The following PLPPR1 variants were observed in gnomAD, a reference collection of about 807,000 sequenced individuals.
The protein encoded by PLPPR1 is phospholipid phosphatase-related protein type 1.
PLPPR1 carries 10 observed loss-of-function variants against 33.1 expected under a neutral mutation model. That is an observed-to-expected ratio of 0.30 (90% confidence interval 0.19 to 0.51). The LOEUF is 0.51. Among genes scored for constraint, PLPPR1 ranks in the 20% least tolerant of loss-of-function variants. PLPPR1 has a pLI of 0.97. For synonymous variants in PLPPR1, 151 were observed against 151.0 expected, an observed-to-expected ratio of 1.00 and a Z score of 0.00; for missense variants, 304 against 408.1, an observed-to-expected ratio of 0.74 and a Z score of 2.20.
At chr9:101,316,615 G>GAAAAAAAAAAAAAAAAAAAAAAA (rs1829054260) in intron 6 of PLPPR1, among the ~76,000 whole-genome samples, 1 of 68,816 alleles carries the variant, frequency 1.5e-5, no homozygotes, top group Non-Finnish European at 2.8e-5. Flanking sequence ...TTCTTCTTGG[G>GAAAAAAAAAAAAAAAAAAAAAAA]CAAAAAAAAA....
chr9:101,296,563 T>C (rs1828644714), intron 4 of PLPPR1, among the ~76,000 whole-genome samples: 1 of 152,154 alleles, frequency 6.6e-6, no homozygotes, highest in Non-Finnish European at 1.5e-5. Flanking sequence ...TGTCCAACAG[T>C]GATCCACTGG....
chr9:101,146,094 A>G (rs1182302852), intron 1 of PLPPR1, among the ~76,000 whole-genome samples: 8 of 152,164 alleles, frequency 5.3e-5, no homozygotes, highest in African/African-American at 1.7e-4. Flanking sequence ...ATTAATTACT[A>G]CTTCCCTCTG....
intron 5 of PLPPR1, 34 bp from the exon 6 acceptor site, chr9:101,312,764 G>A (rs1180447025): frequency 1.3e-6 from 2 of 1,599,046 alleles, no homozygotes; most frequent in Non-Finnish European, 1.7e-6. Flanking sequence ...CAAGGCAGCT[G>A]CCTGGTCACT....
At chr9:101,176,358 C>G (rs1022150946) in intron 1 of PLPPR1, among the ~76,000 whole-genome samples, 2 of 152,064 alleles carry the variant, frequency 1.3e-5, no homozygotes, top group African/African-American at 4.8e-5. Flanking sequence ...CAATGAGTAT[C>G]TTCCCTTCCA....
At chr9:101,067,859 C>T (rs1472916960) in intron 1 of PLPPR1, among the ~76,000 whole-genome samples, 3 of 152,066 alleles carry the variant, frequency 2.0e-5, no homozygotes, top group Non-Finnish European at 4.4e-5. Context: ...CACTTATGAG[C>T]TGTATGACCT....
At chr9:101,125,697 A>G in intron 1 of PLPPR1, 1 of 625,692 alleles carries the variant, frequency 1.6e-6, no homozygotes, top group Non-Finnish European at 2.8e-6. Context: ...GTAACATTAC[A>G]GGCCCCATAA....
intron 7 of PLPPR1, among the ~76,000 whole-genome samples, chr9:101,319,320 GCACGCGCCAC>G (rs1829112008): frequency 6.6e-6 from 1 of 152,184 alleles, no homozygotes. Flanking sequence ...GGGACTACAG[GCACGCGCCAC>G]CACGCCTGGC....
chr9:101,071,310 A>T (rs2253782), intron 1 of PLPPR1, among the ~76,000 whole-genome samples: 86,147 of 151,750 alleles, frequency 0.57, 24,483 homozygotes, highest in Non-Finnish European at 0.6. Context: ...AGTGCTGAGG[A>T]AGAACAGATA....
chr9:101,150,034 C>T (rs1831562938), intron 1 of PLPPR1, among the ~76,000 whole-genome samples: 1 of 152,098 alleles, frequency 6.6e-6, no homozygotes, highest in Non-Finnish European at 1.5e-5. Context: ...ACTGTATCCA[C>T]AGCTGTTTTT....
intron 1 of PLPPR1, among the ~76,000 whole-genome samples, chr9:101,176,805 T>G (rs1826025692): frequency 6.6e-6 from 1 of 152,028 alleles, no homozygotes; most frequent in Non-Finnish European, 1.5e-5. Context: ...TATCCTAAGG[T>G]TTTAATAATC....
At chr9:101,303,973 C>T (rs1198739401) in intron 4 of PLPPR1, among the ~76,000 whole-genome samples, 3 of 152,194 alleles carry the variant, frequency 2.0e-5, no homozygotes, top group Non-Finnish European at 4.4e-5. Context: ...TCTTGTGCTT[C>T]ACAAACATCT....
intron 4 of PLPPR1, among the ~76,000 whole-genome samples, chr9:101,298,427 T>G (rs1203575055): frequency 1.3e-5 from 2 of 152,226 alleles, no homozygotes; most frequent in South Asian, 2.1e-4. Flanking sequence ...AGCATGAATA[T>G]TTTAAATGCA....
chr9:101,206,687 C>T (rs1479815109), intron 2 of PLPPR1, among the ~76,000 whole-genome samples: 1 of 152,152 alleles, frequency 6.6e-6, no homozygotes, highest in Admixed American at 6.5e-5. Flanking sequence ...CCAACTACAA[C>T]ACCTAGGTAG....
At chr9:101,243,033 C>G (rs1827509294) in intron 2 of PLPPR1, among the ~76,000 whole-genome samples, 5 of 151,770 alleles carry the variant, frequency 3.3e-5, no homozygotes, top group Admixed American at 3.3e-4. Context: ...ATTCATTAGG[C>G]AAAGAAATGA....
At chr9:101,181,741 A>G (rs1052559755) in intron 1 of PLPPR1, among the ~76,000 whole-genome samples, 6 of 96 alleles carry the variant, frequency 0.062, no homozygotes, top group Middle Eastern at 0.5. Context: ...GTGTGTGTAT[A>G]TATACACACA....
At chr9:101,159,379 T>C (rs960413633) in intron 1 of PLPPR1, among the ~76,000 whole-genome samples, 11 of 152,202 alleles carry the variant, frequency 7.2e-5, no homozygotes, top group African/African-American at 1.2e-4. Flanking sequence ...ATTTTTTTCT[T>C]TGAAATTTGG....
intron 1 of PLPPR1, among the ~76,000 whole-genome samples, chr9:101,039,397 A>G (rs569489954): frequency 5.3e-5 from 8 of 152,274 alleles, no homozygotes; most frequent in South Asian, 2.1e-4. Context: ...AGTCCACAAC[A>G]TGACCAATGA....
chr9:101,109,021 C>T (rs376640629), intron 1 of PLPPR1, among the ~76,000 whole-genome samples: 7 of 148,758 alleles, frequency 4.7e-5, no homozygotes, highest in Middle Eastern at 3.6e-3. Flanking sequence ...TGCAGTGGCG[C>T]GATCTCGGCT....
At chr9:101,201,542 C>T (rs1001088139) in intron 2 of PLPPR1, among the ~76,000 whole-genome samples, 4 of 152,088 alleles carry the variant, frequency 2.6e-5, no homozygotes, top group African/African-American at 9.7e-5. Flanking sequence ...CTGACCATCT[C>T]GGACTTTCAG....
Sources: gnomAD v4.1 joint callset for allele counts (sites outside exome capture counted in the v4.1 genomes callset) on GRCh38, gnomAD v4.1.1 for gene constraint, MANE v1.5 for transcripts, NCBI Gene and HGNC (gene_info 2026-07-23, HGNC 2026-07-21) for gene names.